The following CFDP1 variants were observed in gnomAD, a reference collection of about 807,000 sequenced individuals.
CFDP1 encodes heterochromatin-stabilizing protein CFDP1.
CFDP1 carries 31 observed loss-of-function variants against 40.1 expected under a neutral mutation model. That is an observed-to-expected ratio of 0.77 (90% CI 0.58 to 1.04). The LOEUF (loss-of-function observed/expected upper bound fraction) is 1.04. CFDP1 is among the 50% of genes least tolerant of loss of function. The pLI is 0.00. For synonymous variants in CFDP1, 167 were observed against 120.0 expected (o/e 1.39, Z -2.56); for missense variants, 423 against 343.4 (o/e 1.23, Z -1.83).
At chr16:75,308,978 A>G (rs1286437183) in intron 5 of CFDP1, among the ~76,000 whole-genome samples, 1 of 152,196 alleles carries the variant, frequency 6.6e-6, no homozygotes. Flanking sequence ...CTCTCCTTTC[A>G]CTGGGTCATT....
At chr16:75,410,055 C>CAAAAA (rs150987819) in intron 4 of CFDP1, among the ~76,000 whole-genome samples, 61 of 52,542 alleles carry the variant, frequency 1.2e-3, no homozygotes, top group African/African-American at 4.8e-3. Flanking sequence ...GACCCTTTCT[C>CAAAAA]AAAAAAAAAA....
At chr16:75,427,513 A>T (rs531530988) in intron 1 of CFDP1, among the ~76,000 whole-genome samples, 7 of 152,190 alleles carry the variant, frequency 4.6e-5, no homozygotes, top group Non-Finnish European at 1.0e-4. Context: ...GGCCTCCCAA[A>T]GTGGTGGGAA....
chr16:75,412,691 A>G lies in CFDP1; in HGVS notation c.246T>C (p.Ser82=), dbSNP rs61739894. 3.1e-5 allele frequency: 50 copies of G among 1,614,088 alleles called. No homozygotes were observed. In the African/African-American group the frequency reaches 5.9e-4, roughly 19 times the overall value. ...EEEEEDANSE[S]EGSSSEEEDD... is the part of the protein sequence containing the mutation. ...CTTCCTCCTCACTACTGCTTCCCTC[A>G]GATTCTGAATTGGCATCCTCCTCTT... is the stretch of plus-strand genomic sequence containing the variant. Residue 82 remains serine, a synonymous_variant, in exon 3 of 7, where the codon TCT becomes TCC. Coordinates refer to ENST00000283882, the MANE Select transcript of CFDP1 (RefSeq NM_006324.3).
chr16:75,428,302 A>G (rs2079365278), intron 1 of CFDP1, among the ~76,000 whole-genome samples: 1 of 152,194 alleles, frequency 6.6e-6, no homozygotes, highest in Non-Finnish European at 1.5e-5. Context: ...TTTACAAAAG[A>G]AGAACATAAT....
chr16:75,428,540 C>G (rs1277822387), intron 1 of CFDP1, among the ~76,000 whole-genome samples: 1 of 151,776 alleles, frequency 6.6e-6, no homozygotes, highest in Non-Finnish European at 1.5e-5. Flanking sequence ...TCGCTTGAAC[C>G]CGGAAGGCGG....
At chr16:75,409,149 G>A (rs1442418468) in intron 4 of CFDP1, among the ~76,000 whole-genome samples, 4 of 152,020 alleles carry the variant, frequency 2.6e-5, no homozygotes, top group Non-Finnish European at 4.4e-5. Flanking sequence ...ATGAGCCACC[G>A]TGCCAGGCCA....
chr16:75,365,559 A>G (rs879398449), intron 5 of CFDP1, among the ~76,000 whole-genome samples: 3 of 152,206 alleles, frequency 2.0e-5, no homozygotes, highest in Admixed American at 6.5e-5. Context: ...CCCCAACTCA[A>G]TAAGATACAC....
At chr16:75,361,201 G>C (rs1056299235) in intron 5 of CFDP1, among the ~76,000 whole-genome samples, 2 of 152,094 alleles carry the variant, frequency 1.3e-5, no homozygotes, top group Non-Finnish European at 2.9e-5. Context: ...AGTAGCGATG[G>C]GGTTTTGCCA....
chr16:75,331,017 T>C (rs2078442631), intron 5 of CFDP1, among the ~76,000 whole-genome samples: 2 of 146,642 alleles, frequency 1.4e-5, no homozygotes, highest in African/African-American at 2.5e-5. Context: ...CAGGGCTACC[T>C]CAATGGGCAA....
At chr16:75,297,633 G>C (rs1597315152) in intron 6 of CFDP1, among the ~76,000 whole-genome samples, 2 of 152,358 alleles carry the variant, frequency 1.3e-5, no homozygotes, top group East Asian at 3.9e-4. Flanking sequence ...CCACAGGGAA[G>C]CCTAGTGGTG....
chr16:75,367,626 C>A (rs1683084908), intron 5 of CFDP1, among the ~76,000 whole-genome samples: 1 of 151,684 alleles, frequency 6.6e-6, no homozygotes, highest in Non-Finnish European at 1.5e-5. Flanking sequence ...AACCCCATCT[C>A]TACTAAAAAT....
chr16:75,399,230 G>A (rs920955980), intron 4 of CFDP1, among the ~76,000 whole-genome samples: 2 of 152,126 alleles, frequency 1.3e-5, no homozygotes, highest in African/African-American at 4.8e-5. Flanking sequence ...ACTAAATTTT[G>A]AGGTGCTTTC....
intron 5 of CFDP1, among the ~76,000 whole-genome samples, chr16:75,338,229 T>C (rs989871895): frequency 6.6e-6 from 1 of 152,078 alleles, no homozygotes; most frequent in Admixed American, 6.6e-5. Flanking sequence ...TCTTGGGGAA[T>C]GTGAAGCATG....
chr16:75,386,350 G>C (rs373191621), intron 5 of CFDP1, among the ~76,000 whole-genome samples: 1 of 152,172 alleles, frequency 6.6e-6, no homozygotes, highest in Admixed American at 6.5e-5. Context: ...CCTAGGTTCA[G>C]AGTATTTGTT....
At chr16:75,304,153 C>A (rs972175680) in intron 6 of CFDP1, among the ~76,000 whole-genome samples, 53 of 152,274 alleles carry the variant, frequency 3.5e-4, no homozygotes, top group African/African-American at 1.3e-3. Context: ...ACTGCAACCT[C>A]CACCTAGTGG....
intron 5 of CFDP1, among the ~76,000 whole-genome samples, chr16:75,386,567 A>G (rs1415193090): frequency 2.0e-5 from 3 of 152,180 alleles, no homozygotes; most frequent in African/African-American, 7.2e-5. Context: ...TCTACTAAAA[A>G]TACAAAAATT....
intron 5 of CFDP1, among the ~76,000 whole-genome samples, chr16:75,312,225 G>T (rs938112240): frequency 1.3e-5 from 2 of 152,150 alleles, no homozygotes; most frequent in Non-Finnish European, 2.9e-5. Flanking sequence ...GCATATTAGG[G>T]AGCTAGTTTA....
intron 6 of CFDP1, among the ~76,000 whole-genome samples, chr16:75,303,016 A>G (rs1038694119): frequency 6.6e-6 from 1 of 152,200 alleles, no homozygotes; most frequent in Non-Finnish European, 1.5e-5. Flanking sequence ...CCTGCCCAAC[A>G]TGGTGAAATC....
At chr16:75,327,163 A>T (rs2078408151) in intron 5 of CFDP1, among the ~76,000 whole-genome samples, 1 of 152,084 alleles carries the variant, frequency 6.6e-6, no homozygotes, top group Non-Finnish European at 1.5e-5. Flanking sequence ...GCTATTCGGG[A>T]GGCTGAGGCA....
Sources: gnomAD v4.1 joint callset for allele counts (sites outside exome capture counted in the v4.1 genomes callset) on GRCh38, gnomAD v4.1.1 for gene constraint, MANE v1.5 for transcripts, NCBI Gene and HGNC (gene_info 2026-07-23, HGNC 2026-07-21) for gene names.